The following FAM171B variants were observed in gnomAD, a reference collection of about 807,000 sequenced individuals.
FAM171B encodes family with sequence similarity 171 member B, also known as protein FAM171B.
A neutral mutation model predicts 75.6 loss-of-function variants in FAM171B; 19 were observed. That is an observed-to-expected ratio of 0.25 (90% CI 0.18 to 0.37). FAM171B has a LOEUF of 0.37. Among genes scored for constraint, FAM171B ranks in the 10% least tolerant of loss-of-function variants. The pLI is 1.00. For synonymous variants in FAM171B, 367 were observed against 361.7 expected, an observed-to-expected ratio of 1.01 and a Z score of -0.17; for missense variants, 848 against 982.4, an observed-to-expected ratio of 0.86 and a Z score of 1.83.
At chr2:186,736,567 G>GTGTGTGTGTGTGAGA (rs55683607) in intron 1 of FAM171B, among the ~76,000 whole-genome samples, 1 of 104,590 alleles carries the variant, frequency 9.6e-6, no homozygotes, top group East Asian at 2.7e-4. Flanking sequence ...TGTGTGTGTG[G>GTGTGTGTGTGTGAGA]GAGAGAGAGA....
chr2:186,695,295 T>C (rs190352253), intron 1 of FAM171B: 45 of 152,284 alleles, frequency 3.0e-4, no homozygotes, highest in African/African-American at 1.0e-3. Context: ...GGTAAGCAAA[T>C]AGCTAGATTA....
rs201119796 is a variant in FAM171B, at chr2:186,751,226, G to A, written c.817G>A (p.Val273Ile). ...ACTAAAGGTCAATGGCTCTATTCAA[G>A]TTTCTCTTCCTCTTCTACGTCTGAA... ...KELKVNGSIQ[V>I]SLPLLRLNDI... is the part of the protein sequence containing the mutation. The change falls in exon 5 of 8, where the codon GTT becomes ATT. Residue 273 changes from valine to isoleucine, a missense_variant. By Grantham distance (29) the Val-to-Ile change is conservative. This residue lies in a region of FAM171B where 665 missense variants were observed against 729.0 expected (regional missense o/e 0.91). Transcript: ENST00000304698. 30 of 1,611,792 alleles carry A rather than the reference G, an allele frequency of 1.9e-5. No homozygotes were observed. In the Middle Eastern group the frequency reaches 4.9e-4, roughly 27 times the overall value.
chr2:186,722,176 C>T (rs1049213014), intron 1 of FAM171B, among the ~76,000 whole-genome samples: 15 of 152,126 alleles, frequency 9.9e-5, no homozygotes, highest in Non-Finnish European at 1.9e-4. Flanking sequence ...TTTAAAATGT[C>T]TTCTGGCACC....
chr2:186,699,530 C>T (rs1328455896), intron 1 of FAM171B, among the ~76,000 whole-genome samples: 1 of 152,078 alleles, frequency 6.6e-6, no homozygotes, highest in African/African-American at 2.4e-5. Context: ...GGTTATTAAT[C>T]CCTTGTCAGA....
chr2:186,756,993 A>T (rs770343863), intron 6 of FAM171B, among the ~76,000 whole-genome samples: 11 of 152,124 alleles, frequency 7.2e-5, no homozygotes, highest in Non-Finnish European at 1.2e-4. Context: ...TCCCCCATAG[A>T]GTTGGGGTAT....
chr2:186,743,254 T>G (rs1247881804), intron 2 of FAM171B, among the ~76,000 whole-genome samples: 1 of 152,174 alleles, frequency 6.6e-6, no homozygotes, highest in African/African-American at 2.4e-5. Flanking sequence ...TAGAAAAGAT[T>G]AGTAAAATAA....
intron 3 of FAM171B, among the ~76,000 whole-genome samples, chr2:186,746,649 A>G (rs1419603896): frequency 6.6e-6 from 1 of 152,246 alleles, no homozygotes; most frequent in Non-Finnish European, 1.5e-5. Flanking sequence ...CATTAAATCC[A>G]GTCCAAGCAA....
chr2:186,735,092 G>A (rs1483972681), intron 1 of FAM171B, among the ~76,000 whole-genome samples: 6 of 152,290 alleles, frequency 3.9e-5, no homozygotes, highest in East Asian at 1.9e-4. Flanking sequence ...CCACCAACTC[G>A]GTAGGGGCAG....
At chr2:186,739,222 T>C (rs1403648086) in intron 1 of FAM171B, among the ~76,000 whole-genome samples, 1 of 152,190 alleles carries the variant, frequency 6.6e-6, no homozygotes, top group Non-Finnish European at 1.5e-5. Context: ...TGTGTGAATG[T>C]GAAGCCCTAG....
chr2:186,740,108 A>G (rs1399107225), intron 1 of FAM171B, 120 bp from the exon 2 acceptor site: 1 of 642,912 alleles, frequency 1.6e-6, no homozygotes. Flanking sequence ...ATTTATGTGT[A>G]GTTCCTAAGT....
Position 186,761,097 on chromosome 2 carries a change from A to G in FAM171B, c.1013-16A>G, listed in dbSNP as rs757202003. The G allele has an allele frequency of 1.9e-6, 3 of 1,595,636 alleles. No homozygotes were observed. Among genetic ancestry groups the G allele is most frequent in the South Asian group, 1.1e-5 (1 of 87,280 alleles). On this transcript the variant is annotated splice_polypyrimidine_tract_variant and intron_variant, in intron 6 of 7. Transcript: ENST00000304698. ...CTAAAATAACATTTTCTCTTTGTTT[A>G]TATTGAACCATGTAGGTTCAGGTAT... is the stretch of plus-strand genomic sequence containing the variant.
At chr2:186,756,358 G>A (rs888603119) in intron 6 of FAM171B, among the ~76,000 whole-genome samples, 4 of 152,172 alleles carry the variant, frequency 2.6e-5, no homozygotes, top group African/African-American at 7.2e-5. Flanking sequence ...AATTAACTGA[G>A]TAAGCTTGAA....
Position 186,761,490 on chromosome 2 carries a change from G to A in FAM171B, c.1148G>A (p.Gly383Asp), listed in dbSNP as rs370633458. ...VLLCYCRDKC[G>D]TPQKRERNIT... ...CTCTTCTACTCTAGGGACAAGTGTG[G>A]TACTCCACAGAAAAGAGAAAGAAAT... The change falls in exon 8 of 8, where the codon GGT becomes GAT. Residue 383 changes from glycine to aspartate, a missense_variant. By Grantham distance (94) the Gly-to-Asp change is moderately conservative. Coordinates refer to ENST00000304698, the MANE Select transcript of FAM171B (RefSeq NM_177454.4). 38 of 1,572,652 alleles carry A rather than the reference G, an allele frequency of 2.4e-5. No homozygotes were observed. Among genetic ancestry groups the A allele is most frequent in the Non-Finnish European group, 3.0e-5 (35 of 1,166,746 alleles).
At chr2:186,728,457 T>C (rs1690066608) in intron 1 of FAM171B, among the ~76,000 whole-genome samples, 1 of 152,154 alleles carries the variant, frequency 6.6e-6, no homozygotes, top group South Asian at 2.1e-4. Flanking sequence ...GAAAAGTAGG[T>C]AATCAGTAAA....
At chr2:186,697,101 A>G (rs1372680712) in intron 1 of FAM171B, among the ~76,000 whole-genome samples, 6 of 152,188 alleles carry the variant, frequency 3.9e-5, no homozygotes, top group Non-Finnish European at 7.3e-5. Flanking sequence ...TAAATTCTCC[A>G]TTGGAGTTTA....
chr2:186,753,114 G>A (rs1274135863), intron 5 of FAM171B, among the ~76,000 whole-genome samples: 1 of 152,072 alleles, frequency 6.6e-6, no homozygotes, highest in African/African-American at 2.4e-5. Flanking sequence ...GGAGAGTCAT[G>A]ATTTTTCTAA....
chr2:186,733,102 G>T (rs551236782), intron 1 of FAM171B, among the ~76,000 whole-genome samples: 11 of 152,202 alleles, frequency 7.2e-5, no homozygotes, highest in Non-Finnish European at 1.5e-4. Flanking sequence ...AACAGTGCGT[G>T]TATTTGAAGG....
At chr2:186,739,511 T>C (rs1305043908) in intron 1 of FAM171B, among the ~76,000 whole-genome samples, 1 of 152,168 alleles carries the variant, frequency 6.6e-6, no homozygotes, top group African/African-American at 2.4e-5. Flanking sequence ...TAAACTTTTT[T>C]TGTTAAAAAC....
At chr2:186,738,932 A>G (rs1193670983) in intron 1 of FAM171B, among the ~76,000 whole-genome samples, 3 of 152,160 alleles carry the variant, frequency 2.0e-5, no homozygotes, top group African/African-American at 7.2e-5. Flanking sequence ...GAACATCATA[A>G]TGTACCTATA....
Sources: gnomAD v4.1 joint callset for allele counts (sites outside exome capture counted in the v4.1 genomes callset) on GRCh38, gnomAD v4.1.1 for gene constraint, gnomAD v4.1.1 regional missense constraint, MANE v1.5 for transcripts, NCBI Gene and HGNC (gene_info 2026-07-23, HGNC 2026-07-21) for gene names.